Variants in RGS7BP observed in about 807,000 individuals in gnomAD.
RGS7BP encodes the protein regulator of G protein signaling 7 binding protein, also known as regulator of G protein signaling 7-binding protein.
RGS7BP carries 9 observed loss-of-function variants against 31.3 expected under a neutral mutation model. That is an observed-to-expected ratio of 0.29 (90% CI 0.17 to 0.50). The LOEUF is 0.50. RGS7BP is among the 20% of genes least tolerant of loss of function. The pLI is 0.98. For missense variants in RGS7BP, 274 were observed against 322.0 expected (o/e 0.85, Z 1.14); for synonymous variants, 115 against 120.1 (o/e 0.96, Z 0.28).
chr5:64,604,461 T>A (rs1743303988), intron 5 of RGS7BP, among the ~76,000 whole-genome samples: 1 of 152,146 alleles, frequency 6.6e-6, no homozygotes, highest in African/African-American at 2.4e-5. Flanking sequence ...TTAGGATCCA[T>A]CTTGGTATTA....
intron 3 of RGS7BP, among the ~76,000 whole-genome samples, chr5:64,592,800 G>A (rs10044070): frequency 0.38 from 57,799 of 151,876 alleles, 11,723 homozygotes; most frequent in African/African-American, 0.52. Flanking sequence ...GTGTAACAGA[G>A]GCCTTCAGGT....
At chr5:64,526,839 T>C (rs973846083) in intron 2 of RGS7BP, among the ~76,000 whole-genome samples, 3 of 152,144 alleles carry the variant, frequency 2.0e-5, no homozygotes, top group African/African-American at 7.2e-5. Context: ...GAGCTAATGC[T>C]AAAGGGCTCT....
intron 2 of RGS7BP, among the ~76,000 whole-genome samples, chr5:64,573,090 T>C (rs1742337598): frequency 6.6e-6 from 1 of 151,246 alleles, no homozygotes; most frequent in Non-Finnish European, 1.5e-5. Flanking sequence ...GTTCTTGTGA[T>C]AGTTTACTGA....
chr5:64,580,633 T>C (rs1336694963), intron 3 of RGS7BP, among the ~76,000 whole-genome samples: 1 of 151,706 alleles, frequency 6.6e-6, no homozygotes, highest in Non-Finnish European at 1.5e-5. Flanking sequence ...ATATGTCATA[T>C]CTTAGCAAAA....
intron 2 of RGS7BP, among the ~76,000 whole-genome samples, chr5:64,520,723 G>A (rs1034035790): frequency 3.3e-5 from 5 of 152,204 alleles, no homozygotes; most frequent in Non-Finnish European, 5.9e-5. Flanking sequence ...GTTAGCAGGG[G>A]CAGAACTCCC....
intron 2 of RGS7BP, among the ~76,000 whole-genome samples, chr5:64,553,158 C>CCTTT (rs1261555917): frequency 1.1e-4 from 16 of 146,410 alleles, no homozygotes; most frequent in African/African-American, 3.3e-4. Flanking sequence ...GGACTTCCTT[C>CCTTT]CTTTCTTTCT....
chr5:64,586,771 C>T (rs1198619236), intron 3 of RGS7BP, among the ~76,000 whole-genome samples: 1 of 152,158 alleles, frequency 6.6e-6, no homozygotes, highest in Non-Finnish European at 1.5e-5. Context: ...TGCTTTAGTT[C>T]TGTATCTATT....
intron 2 of RGS7BP, among the ~76,000 whole-genome samples, chr5:64,561,948 T>TAAGA (rs1248972025): frequency 6.6e-6 from 1 of 152,120 alleles, no homozygotes; most frequent in African/African-American, 2.4e-5. Context: ...AATTCATCAT[T>TAAGA]AAGAAAGAAA....
chr5:64,535,089 TGA>T (rs562880743), intron 2 of RGS7BP, among the ~76,000 whole-genome samples: 45 of 152,172 alleles, frequency 3.0e-4, no homozygotes, highest in South Asian at 2.3e-3. Context: ...GTGAATTTTG[TGA>T]GAGAGGTTCT....
At chr5:64,565,811 G>A (rs766024256) in intron 2 of RGS7BP, among the ~76,000 whole-genome samples, 1 of 152,066 alleles carries the variant, frequency 6.6e-6, no homozygotes, top group Non-Finnish European at 1.5e-5. Flanking sequence ...ATAGATACTG[G>A]CCTCTTCTGT....
intron 2 of RGS7BP, among the ~76,000 whole-genome samples, chr5:64,566,626 T>C (rs1014967422): frequency 9.2e-5 from 14 of 152,002 alleles, no homozygotes; most frequent in Admixed American, 2.6e-4. Flanking sequence ...TTTTCTTTAC[T>C]ATTAAAATGA....
chr5:64,566,324 T>C (rs186068557), intron 2 of RGS7BP, among the ~76,000 whole-genome samples: 79 of 152,038 alleles, frequency 5.2e-4, no homozygotes, highest in African/African-American at 1.9e-3. Context: ...CAGCATAGAG[T>C]AATTTATTGC....
intron 3 of RGS7BP, among the ~76,000 whole-genome samples, chr5:64,576,992 T>C (rs1742449722): frequency 6.6e-6 from 1 of 152,130 alleles, no homozygotes; most frequent in South Asian, 2.1e-4. Flanking sequence ...TTAGAAATAC[T>C]CAGGGAAAAG....
intron 2 of RGS7BP, among the ~76,000 whole-genome samples, chr5:64,537,385 G>A (rs1705100002): frequency 6.6e-6 from 1 of 152,162 alleles, no homozygotes; most frequent in African/African-American, 2.4e-5. Context: ...TACAAGCTTG[G>A]TTTAGGCTAT....
intron 2 of RGS7BP, among the ~76,000 whole-genome samples, chr5:64,516,960 T>G (rs574224682): frequency 6.6e-6 from 1 of 151,790 alleles, no homozygotes; most frequent in African/African-American, 2.4e-5. Context: ...TTGGCTATAT[T>G]TAACAGAAAA....
rs1048762585 is a variant in RGS7BP, at chr5:64,594,912, T to C, written c.611+55T>C. On this transcript the variant is annotated intron_variant, in intron 4 of 5. Coordinates refer to ENST00000334025, the MANE Select transcript of RGS7BP (RefSeq NM_001029875.3). ...CCAATCCTCCTCCCGTTAATGTTCT[T>C]AGGGGCCACAGAGAGACGAGGTTTT... The C allele has an allele frequency of 4.0e-5, 62 of 1,564,150 alleles. 1 individual carries two copies. Among genetic ancestry groups the C allele is most frequent in the South Asian group, 1.0e-4 (9 of 89,136 alleles).
rs574726992 is a variant in RGS7BP, at chr5:64,596,317, G to T, written c.611+1460G>T. ...CTAACTCCGTTCTCCCTGGCTGTCT[G>T]CCTTGAGAGATCATGGGTCTCAAAC... On this transcript the variant is annotated intron_variant, in intron 4 of 5. Coordinates refer to ENST00000334025, the MANE Select transcript of RGS7BP (RefSeq NM_001029875.3). Among the ~76,000 whole-genome samples, 27 of 152,276 alleles carry T rather than the reference G, an allele frequency of 1.8e-4. No individual in the cohort carries two copies. The South Asian group carries it at 5.2e-3, about 29-fold the overall frequency.
rs1743508051 is a variant in RGS7BP at position 64,611,708 on chromosome 5, C to T, written c.*2456C>T. On this transcript the variant is annotated 3_prime_UTR_variant, in exon 6 of 6. Coordinates refer to ENST00000334025, the MANE Select transcript of RGS7BP (RefSeq NM_001029875.3). The stretch of plus-strand genomic sequence containing the variant: ...ATAAACTCCAAGATCTAAAGATCCT[C>T]TTTCAGTAGCATATACTAAAATTAA... 1 of 152,248 alleles carries T rather than the reference C, an allele frequency of 6.6e-6. No homozygotes were observed. Among genetic ancestry groups the T allele is most frequent in the South Asian group, 2.1e-4 (1 of 4,826 alleles). 9.4% of individuals were successfully genotyped at this position (152,248 alleles called of 1,614,324 possible).
At chr5:64,556,438 CA>C (rs1741928640) in intron 2 of RGS7BP, among the ~76,000 whole-genome samples, 1 of 147,376 alleles carries the variant, frequency 6.8e-6, no homozygotes, top group African/African-American at 2.5e-5. Flanking sequence ...CACACACACA[CA>C]CACACACACA....
Sources: allele counts gnomAD v4.1 joint callset (sites outside exome capture counted in the v4.1 genomes callset), GRCh38; gene constraint gnomAD v4.1.1; transcripts MANE v1.5; gene names NCBI Gene and HGNC (gene_info 2026-07-23, HGNC 2026-07-21).